The following L3MBTL4 variants were observed in gnomAD, a reference collection of about 807,000 sequenced individuals.
L3MBTL4 encodes the protein L3MBTL histone methyl-lysine binding protein 4, also known as lethal(3)malignant brain tumor-like protein 4.
In L3MBTL4, 70 loss-of-function variants were observed where a neutral mutation model predicts 84.5. That is an observed-to-expected ratio of 0.83 (90% CI 0.68 to 1.01). The LOEUF (loss-of-function observed/expected upper bound fraction) is 1.01. Among genes scored for constraint, L3MBTL4 ranks in the 50% least tolerant of loss-of-function variants. The pLI, the probability that L3MBTL4 is intolerant of heterozygous loss-of-function variation, is 0.00. For missense variants in L3MBTL4, 715 were observed against 754.8 expected (o/e 0.95, Z 0.62); for synonymous variants, 274 against 259.8 (o/e 1.05, Z -0.52).
intron 5 of L3MBTL4, among the ~76,000 whole-genome samples, chr18:6,255,448 C>A (rs988023111): frequency 6.6e-6 from 1 of 152,208 alleles, no homozygotes; most frequent in Admixed American, 6.5e-5. Context: ...GGAAAAGCAT[C>A]TGAACCACAT....
chr18:6,097,433 T>A (rs760922881), intron 14 of L3MBTL4, among the ~76,000 whole-genome samples: 18 of 152,096 alleles, frequency 1.2e-4, no homozygotes, highest in Non-Finnish European at 2.2e-4. Context: ...GACGTTAGGG[T>A]TTGCAAAGCA....
intron 1 of L3MBTL4, among the ~76,000 whole-genome samples, chr18:6,409,466 G>A (rs1225881571): frequency 1.3e-5 from 2 of 152,182 alleles, no homozygotes; most frequent in Admixed American, 6.5e-5. Flanking sequence ...GCTCTATGCT[G>A]CAGGGGAAAA....
At chr18:6,042,370 CACAG>C (rs1185824037) in intron 16 of L3MBTL4, among the ~76,000 whole-genome samples, 1 of 152,112 alleles carries the variant, frequency 6.6e-6, no homozygotes, top group Non-Finnish European at 1.5e-5. Flanking sequence ...CGTGCACACA[CACAG>C]ACACATACAC....
intron 14 of L3MBTL4, among the ~76,000 whole-genome samples, chr18:6,098,075 A>G (rs2058699377): frequency 6.6e-6 from 1 of 152,190 alleles, no homozygotes; most frequent in African/African-American, 2.4e-5. Flanking sequence ...CTTGGATACC[A>G]GATTCTGCTC....
intron 16 of L3MBTL4, among the ~76,000 whole-genome samples, chr18:6,076,736 T>G (rs1241698140): frequency 6.6e-6 from 1 of 152,194 alleles, no homozygotes; most frequent in Admixed American, 6.5e-5. Flanking sequence ...CAACAATGCT[T>G]ATCTCTTTCA....
chr18:6,408,802 C>T (rs1002920938), intron 1 of L3MBTL4, among the ~76,000 whole-genome samples: 5 of 152,144 alleles, frequency 3.3e-5, no homozygotes, highest in African/African-American at 1.2e-4. Flanking sequence ...CTGCCTCAGC[C>T]TCCTGAGTAG....
At chr18:6,189,221 T>C (rs919714595) in intron 12 of L3MBTL4, among the ~76,000 whole-genome samples, 1 of 152,326 alleles carries the variant, frequency 6.6e-6, no homozygotes, top group East Asian at 1.9e-4. Flanking sequence ...TTTTGTCTCT[T>C]ATAAGGATAC....
chr18:6,054,649 C>A (rs988483823), intron 16 of L3MBTL4, among the ~76,000 whole-genome samples: 32 of 152,232 alleles, frequency 2.1e-4, no homozygotes, highest in African/African-American at 7.5e-4. Flanking sequence ...TTGCCTGGCA[C>A]TTATCTCAGC....
At chr18:6,146,216 G>C (rs757477609) in intron 13 of L3MBTL4, among the ~76,000 whole-genome samples, 9 of 152,214 alleles carry the variant, frequency 5.9e-5, no homozygotes, top group East Asian at 1.9e-4. Context: ...CTCGCTGCTC[G>C]GGACCTGCTG....
intron 7 of L3MBTL4, among the ~76,000 whole-genome samples, chr18:6,242,429 A>G (rs956648224): frequency 6.6e-6 from 1 of 152,086 alleles, no homozygotes; most frequent in Admixed American, 6.6e-5. Context: ...CCCCGTGGAG[A>G]TAGAGACATT....
chr18:6,065,542 T>C (rs1481999912), intron 16 of L3MBTL4, among the ~76,000 whole-genome samples: 2 of 152,056 alleles, frequency 1.3e-5, no homozygotes, highest in African/African-American at 4.8e-5. Flanking sequence ...GTTGTTGGTC[T>C]GTTCAGGGCT....
chr18:6,242,568 C>T (rs1426417493), intron 7 of L3MBTL4, among the ~76,000 whole-genome samples: 1 of 152,200 alleles, frequency 6.6e-6, no homozygotes, highest in Admixed American at 6.5e-5. Context: ...TGCCATCAGC[C>T]TCAGGGGAGG....
At chr18:6,106,353 T>A (rs1180088240) in intron 14 of L3MBTL4, among the ~76,000 whole-genome samples, 1 of 152,222 alleles carries the variant, frequency 6.6e-6, no homozygotes, top group African/African-American at 2.4e-5. Flanking sequence ...ACCCTTGGTA[T>A]TGGTGGTTGT....
intron 10 of L3MBTL4, among the ~76,000 whole-genome samples, chr18:6,230,579 T>C (rs1306565295): frequency 6.6e-6 from 1 of 152,186 alleles, no homozygotes; most frequent in Non-Finnish European, 1.5e-5. Flanking sequence ...ACAATTTATA[T>C]TCCTTTGGGT....
At chr18:6,257,556 T>G (rs767671389) in intron 5 of L3MBTL4, among the ~76,000 whole-genome samples, 9 of 152,166 alleles carry the variant, frequency 5.9e-5, no homozygotes, top group African/African-American at 1.2e-4. Context: ...CCAAGGGACA[T>G]TATTTTTTCA....
chr18:5,984,792 T>C (rs116658294), intron 16 of L3MBTL4, among the ~76,000 whole-genome samples: 2,045 of 152,324 alleles, frequency 0.013, 49 homozygotes, highest in African/African-American at 0.047. Flanking sequence ...TTTTTGGACC[T>C]TGGCTTTCTT....
At chr18:5,990,654 T>G (rs979460759) in intron 16 of L3MBTL4, among the ~76,000 whole-genome samples, 2 of 152,196 alleles carry the variant, frequency 1.3e-5, no homozygotes, top group Admixed American at 6.5e-5. Context: ...CCATGTTTCC[T>G]CTATAAAACA....
intron 14 of L3MBTL4, among the ~76,000 whole-genome samples, chr18:6,126,079 T>C (rs1015037127): frequency 9.9e-5 from 15 of 152,130 alleles, no homozygotes; most frequent in Admixed American, 8.5e-4. Context: ...ACAAAAAAAA[T>C]CTGTATATTC....
rs548501044 is a variant in L3MBTL4 at position 5,975,562 on chromosome 18, G to A, written c.1445-6000C>T. Among the ~76,000 whole-genome samples, 7 of 152,296 alleles carry A rather than the reference G, an allele frequency of 4.6e-5. No individual in the cohort carries two copies. In the South Asian group the frequency reaches 1.5e-3, roughly 32 times the overall value. Reference sequence around the variant, plus strand: ...GCTGGGAACGTTGTTTTCTTCCCACGATCACCTGTTCTCATGCCCTGCGTA... The same window carrying A: ...GCTGGGAACGTTGTTTTCTTCCCACAATCACCTGTTCTCATGCCCTGCGTA... On this transcript the variant is annotated intron_variant, in intron 16 of 18. Coordinates refer to ENST00000317931, the MANE Select transcript of L3MBTL4 (RefSeq NM_001330559.2).
Sources: allele counts gnomAD v4.1 joint callset (sites outside exome capture counted in the v4.1 genomes callset), GRCh38; gene constraint gnomAD v4.1.1; transcripts MANE v1.5; gene names NCBI Gene and HGNC (gene_info 2026-07-23, HGNC 2026-07-21).